Variants in NELFA observed in about 807,000 individuals in gnomAD.
NELFA encodes negative elongation factor complex member A.
A neutral mutation model predicts 51.8 loss-of-function variants in NELFA; 35 were observed. The ratio of observed to expected loss-of-function variants is 0.68; its 90% CI spans 0.52 to 0.90. NELFA has a LOEUF of 0.90. Ranked by LOEUF, NELFA falls within the 40% of genes least tolerant of loss-of-function variation. NELFA has a pLI of 0.00. For synonymous variants in NELFA, 417 were observed against 338.4 expected (o/e 1.23, Z -2.55); for missense variants, 658 against 746.4 (o/e 0.88, Z 1.38).
intron 1 of NELFA, among the ~76,000 whole-genome samples, chr4:2,003,136 G>A (rs1001707855): frequency 5.3e-5 from 8 of 152,090 alleles, no homozygotes; most frequent in East Asian, 1.9e-4. Flanking sequence ...AAAGCTCTAC[G>A]TCACTGATCA....
At chr4:2,008,686 G>C in intron 1 of NELFA, 64 bp downstream of exon 1, 12 of 1,538,096 alleles carry the variant, frequency 7.8e-6, no homozygotes, top group Non-Finnish European at 1.1e-5. Context: ...CCGGAGTTGG[G>C]TGTGCGGGTC....
chr4:1,987,840 A>G, intron 4 of NELFA, 78 bp downstream of exon 4: 4 of 1,246,630 alleles, frequency 3.2e-6, no homozygotes, highest in South Asian at 1.5e-5. Context: ...CACCTCCCCA[A>G]CAGGGAGCGG....
At chr4:2,007,075 TG>T in intron 1 of NELFA, 1 of 357,360 alleles carries the variant, frequency 2.8e-6, no homozygotes, top group South Asian at 2.1e-5. Flanking sequence ...CTGGGCAGCA[TG>T]GTGAAACCCT....
At chr4:1,983,536 T>TG (rs760532584) in intron 10 of NELFA, 33 bp from the exon 11 acceptor site, 8 of 1,612,064 alleles carry the variant, frequency 5.0e-6, no homozygotes, top group Non-Finnish European at 6.8e-6. Context: ...GGTGGGTGTC[T>TG]GGGGGCACCC....
chr4:2,005,397 T>G (rs1039660456), intron 1 of NELFA, among the ~76,000 whole-genome samples: 4 of 152,166 alleles, frequency 2.6e-5, no homozygotes, highest in African/African-American at 9.7e-5. Context: ...AAAAAAATTT[T>G]GCAACTAGCA....
At chr4:1,996,434 G>A (rs1728426012) in intron 1 of NELFA, among the ~76,000 whole-genome samples, 1 of 152,144 alleles carries the variant, frequency 6.6e-6, no homozygotes, top group African/African-American at 2.4e-5. Flanking sequence ...CCTGAGATTG[G>A]CATCCATCTT....
chr4:1,985,549 C>T (rs1728059069), intron 7 of NELFA, among the ~76,000 whole-genome samples: 1 of 152,230 alleles, frequency 6.6e-6, no homozygotes, highest in African/African-American at 2.4e-5. Context: ...GCAGCCCCTC[C>T]AGCAAGCGTG....
chr4:2,008,752 C>G lies in NELFA; in HGVS notation c.208G>C (p.Glu70Gln). 2 of 1,607,414 alleles carry G rather than the reference C, an allele frequency of 1.2e-6. No homozygotes were observed. Among genetic ancestry groups the G allele is most frequent in the Non-Finnish European group, 8.5e-7 (1 of 1,177,364 alleles). The change falls in exon 1 of 11, where the codon GAG becomes CAG. Residue 70 changes from glutamate (E) to glutamine (Q), a missense_variant and splice_region_variant. By Grantham distance (29) the Glu-to-Gln change is conservative. This residue lies in a region of NELFA where 371 missense variants were observed against 448.3 expected (regional missense o/e 0.83). Coordinates refer to ENST00000382882, the MANE Select transcript of NELFA (RefSeq NM_005663.5). ...TLHLPRRTVD[E>Q]MKGALMEIIQ... is the part of the protein sequence containing the mutation. Reference sequence around the variant, plus strand: ...GCGGGGCGCCACGCCTGCCTTACCTCGTCCACCGTGCGGCGCGGGAGGTGC... The same window carrying G: ...GCGGGGCGCCACGCCTGCCTTACCTGGTCCACCGTGCGGCGCGGGAGGTGC...
At position 1,984,808 on chromosome 4, in the gene NELFA, C is replaced by A; in HGVS notation, c.1036G>T (p.Ala346Ser). 6.4e-7 allele frequency: 1 copy of A among 1,557,824 alleles called. No homozygotes were observed. Among genetic ancestry groups the A allele is most frequent in the East Asian group, 2.4e-5 (1 of 41,732 alleles). Residue 346 changes from alanine to serine, a missense_variant and splice_region_variant, in exon 8 of 11, where the codon GCC (alanine) becomes TCC (serine). Ala to Ser is a moderately conservative substitution (Grantham distance 99). This residue lies in a region of NELFA where 200 missense variants were observed against 167.9 expected (regional missense o/e 1.19). Transcript: ENST00000382882. ...SYIPSSETPP[A>S]PSSREASRPP... Reference sequence around the variant, plus strand: ...TCCAGGCTGGGGCCAGCAGACTCACCTGGGGGCGTCTCGGAGCTGGGGATG... The same window carrying A: ...TCCAGGCTGGGGCCAGCAGACTCACATGGGGGCGTCTCGGAGCTGGGGATG...
rs1006357741 is a variant in NELFA at position 1,992,886 on chromosome 4, C to A, written c.211-1171G>T. 2.6e-5 allele frequency among the ~76,000 whole-genome samples: 4 copies of A among 152,194 alleles called. No homozygotes were observed. In the East Asian group the frequency reaches 7.7e-4, roughly 29 times the overall value. On this transcript the variant is annotated intron_variant, in intron 1 of 10. Coordinates refer to ENST00000382882, the MANE Select transcript of NELFA (RefSeq NM_005663.5). ...CCAGCTGCCCTCAGGAGTCAAGAAC[C>A]CCCCGCGTGGCCCAGCCCCTTCTGT...
At chr4:1,994,335 C>T (rs764723030) in intron 1 of NELFA, among the ~76,000 whole-genome samples, 2 of 151,982 alleles carry the variant, frequency 1.3e-5, no homozygotes, top group Non-Finnish European at 2.9e-5. Context: ...GAGGCTAGGG[C>T]GGGTGGATCA....
At chr4:2,006,358 A>G (rs1464437621) in intron 1 of NELFA, among the ~76,000 whole-genome samples, 1 of 152,228 alleles carries the variant, frequency 6.6e-6, no homozygotes, top group East Asian at 1.9e-4. Flanking sequence ...CAGCTACGCC[A>G]AGATAACCCA....
At chr4:1,984,418 T>C (rs993987589) in intron 8 of NELFA, among the ~76,000 whole-genome samples, 3 of 152,102 alleles carry the variant, frequency 2.0e-5, no homozygotes, top group Non-Finnish European at 2.9e-5. Context: ...CTCAAGCCCC[T>C]TGGGCCCAGG....
chr4:1,998,583 AT>A (rs1267678242), intron 1 of NELFA, among the ~76,000 whole-genome samples: 7 of 152,288 alleles, frequency 4.6e-5, no homozygotes, highest in African/African-American at 1.7e-4. Flanking sequence ...GAAATAAGAC[AT>A]GCAGACAACA....
chr4:1,998,430 G>C (rs986151524), intron 1 of NELFA, among the ~76,000 whole-genome samples: 1 of 152,072 alleles, frequency 6.6e-6, no homozygotes, highest in African/African-American at 2.4e-5. Context: ...TTGCTAACTA[G>C]AATAACCGGT....
chr4:2,007,028 C>T, intron 1 of NELFA: 1 of 223,642 alleles, frequency 4.5e-6, no homozygotes, highest in Non-Finnish European at 9.9e-6. Context: ...GAGGCTGAGG[C>T]AAGCAGATTG....
intron 8 of NELFA, 21 bp from the exon 9 acceptor site, chr4:1,984,134 G>C: frequency 6.6e-7 from 1 of 1,521,152 alleles, no homozygotes; most frequent in Non-Finnish European, 8.8e-7. Flanking sequence ...ACCGGGGCCT[G>C]GTGAGGGGGC....
intron 1 of NELFA, among the ~76,000 whole-genome samples, chr4:1,996,747 C>T (rs931052642): frequency 3.5e-4 from 54 of 152,146 alleles, no homozygotes; most frequent in African/African-American, 9.9e-4. Flanking sequence ...GACTGGCCAA[C>T]GTGGCAAAAA....
intron 1 of NELFA, among the ~76,000 whole-genome samples, chr4:1,993,069 C>A (rs1435741028): frequency 6.6e-6 from 1 of 152,256 alleles, no homozygotes; most frequent in Non-Finnish European, 1.5e-5. Flanking sequence ...GCCGCACAGC[C>A]CGGCTGTTTC....
Sources: allele counts gnomAD v4.1 joint callset (sites outside exome capture counted in the v4.1 genomes callset), GRCh38; gene constraint gnomAD v4.1.1; regional missense constraint gnomAD v4.1.1; transcripts MANE v1.5; gene names NCBI Gene and HGNC (gene_info 2026-07-23, HGNC 2026-07-21).